The following IPCEF1 variants were observed in gnomAD, a reference collection of about 807,000 sequenced individuals.
IPCEF1 encodes the protein interaction protein for cytohesin exchange factors 1, also known as interactor protein for cytohesin exchange factors 1.
In IPCEF1, 31 loss-of-function variants were observed where a neutral mutation model predicts 50.9. The ratio of observed to expected loss-of-function variants is 0.61; its 90% CI spans 0.46 to 0.82. The LOEUF (loss-of-function observed/expected upper bound fraction) is 0.82. Among genes scored for constraint, IPCEF1 ranks in the 40% least tolerant of loss-of-function variants. The pLI, the probability that IPCEF1 is intolerant of heterozygous loss-of-function variation, is 0.00. For synonymous variants in IPCEF1, 181 were observed against 192.0 expected, an observed-to-expected ratio of 0.94 and a Z score of 0.47; for missense variants, 458 against 514.0, an observed-to-expected ratio of 0.89 and a Z score of 1.05.
intron 6 of IPCEF1, among the ~76,000 whole-genome samples, chr6:154,221,646 G>C (rs1305248485): frequency 1.3e-5 from 2 of 151,220 alleles, no homozygotes; most frequent in Non-Finnish European, 1.5e-5. Flanking sequence ...GGCCGAGGCG[G>C]GCAGATCACG....
chr6:154,160,752 A>T (rs1191918049), intron 11 of IPCEF1, among the ~76,000 whole-genome samples: 1 of 152,218 alleles, frequency 6.6e-6, no homozygotes, highest in Non-Finnish European at 1.5e-5. Flanking sequence ...TATTAAAAAC[A>T]AATATTCAGC....
At chr6:154,193,354 C>T (rs1191341398) in intron 10 of IPCEF1, among the ~76,000 whole-genome samples, 1 of 152,070 alleles carries the variant, frequency 6.6e-6, no homozygotes, top group Non-Finnish European at 1.5e-5. Flanking sequence ...ACTTTGGGGA[C>T]TCGGGGGAAA....
At chr6:154,306,688 C>T (rs73789436) in intron 1 of IPCEF1, 10,756 of 152,464 alleles carry the variant, frequency 0.071, 556 homozygotes, top group African/African-American at 0.14. Context: ...TACTGTGCAG[C>T]GCCTACCAGC....
At chr6:154,277,869 T>C (rs1782103409) in intron 2 of IPCEF1, among the ~76,000 whole-genome samples, 5 of 152,138 alleles carry the variant, frequency 3.3e-5, no homozygotes, top group Admixed American at 3.3e-4. Context: ...ACTTTTTTTT[T>C]CCAGCCAGCT....
intron 1 of IPCEF1, among the ~76,000 whole-genome samples, chr6:154,351,286 G>T (rs1244038121): frequency 6.6e-6 from 1 of 152,212 alleles, no homozygotes; most frequent in Non-Finnish European, 1.5e-5. Context: ...GATCTTTGTG[G>T]TGACGGAACA....
intron 7 of IPCEF1, among the ~76,000 whole-genome samples, chr6:154,218,614 A>ATG (rs1219285541): frequency 2.6e-5 from 4 of 152,206 alleles, no homozygotes; most frequent in Non-Finnish European, 5.9e-5. Flanking sequence ...GAAGTTCTTC[A>ATG]TGTGTTATTG....
At chr6:154,225,176 A>G (rs757083438) in intron 5 of IPCEF1, among the ~76,000 whole-genome samples, 1 of 151,596 alleles carries the variant, frequency 6.6e-6, no homozygotes, top group Non-Finnish European at 1.5e-5. Context: ...CCCAATGAAT[A>G]CTCCCTTTGA....
At chr6:154,331,405 A>AAGGAAGAAAGAAAGAAAGAG (rs1783663587) in intron 1 of IPCEF1, among the ~76,000 whole-genome samples, 1 of 92,948 alleles carries the variant, frequency 1.1e-5, no homozygotes, top group Non-Finnish European at 2.2e-5. Flanking sequence ...GAAAGAAAGA[A>AAGGAAGAAAGAAAGAAAGAG]AGAGAGAGAA....
In IPCEF1 at chr6:154,342,872, G is replaced by A. The variant is rs140112050; in HGVS notation, c.-62+13800C>T. On this transcript the variant is annotated intron_variant, in intron 1 of 11. Transcript: ENST00000367220. ...TTATGCCTGTAATCCCAGCACTTTGGGAGGCTGAGGCCAGTGGATCACCTG... is the reference window on the plus strand; with the variant it reads ...TTATGCCTGTAATCCCAGCACTTTGAGAGGCTGAGGCCAGTGGATCACCTG... Among the ~76,000 whole-genome samples the A allele has an allele frequency of 1.7e-3, 252 of 152,318 alleles. 1 individual carries two copies. The highest frequency in any genetic ancestry group is 5.7e-3 in the African/African-American group (239 of 41,582).
At chr6:154,197,754 T>C (rs889604465) in intron 10 of IPCEF1, among the ~76,000 whole-genome samples, 7 of 152,150 alleles carry the variant, frequency 4.6e-5, no homozygotes, top group Non-Finnish European at 1.0e-4. Context: ...ACCTCCAGGG[T>C]TATCTCTTGG....
intron 1 of IPCEF1, among the ~76,000 whole-genome samples, chr6:154,322,668 C>G (rs1157727183): frequency 2.0e-5 from 3 of 151,962 alleles, no homozygotes; most frequent in Non-Finnish European, 4.4e-5. Flanking sequence ...GAAACTCCCT[C>G]TCTACTAAAA....
At chr6:154,324,827 A>G (rs1327130678) in intron 1 of IPCEF1, among the ~76,000 whole-genome samples, 3 of 152,144 alleles carry the variant, frequency 2.0e-5, no homozygotes, top group Non-Finnish European at 4.4e-5. Context: ...AAAAAAATAC[A>G]CAAAACCCGA....
intron 11 of IPCEF1, among the ~76,000 whole-genome samples, chr6:154,164,551 G>T (rs1033406926): frequency 2.6e-5 from 4 of 152,184 alleles, no homozygotes; most frequent in Non-Finnish European, 4.4e-5. Flanking sequence ...CACAACATCC[G>T]CTCTGCTTTC....
chr6:154,343,115 A>AAG (rs368546174), intron 1 of IPCEF1, among the ~76,000 whole-genome samples: 65 of 152,062 alleles, frequency 4.3e-4, no homozygotes, highest in African/African-American at 1.3e-3. Flanking sequence ...GACGCTATAA[A>AAG]AGAGAGAGAG....
intron 2 of IPCEF1, among the ~76,000 whole-genome samples, chr6:154,277,358 G>A (rs1782088932): frequency 6.6e-6 from 1 of 152,174 alleles, no homozygotes. Flanking sequence ...ATCCCAAATT[G>A]AGATATTTGT....
rs1415356506 is a variant in IPCEF1, at chr6:154,157,991, C to G, written c.*1837G>C. 2.0e-5 allele frequency: 3 copies of G among 152,252 alleles called. No homozygotes were observed. Among genetic ancestry groups the G allele is most frequent in the Non-Finnish European group, 4.4e-5 (3 of 68,044 alleles). 9.4% of individuals were successfully genotyped at this position (152,252 alleles called of 1,614,324 possible). A position where few individuals can be genotyped will look rare whatever the true frequency, so the allele number is the denominator to read the frequency against. Reference sequence around the variant, plus strand: ...GAGAAGTACCCACATGTTTGCTGGGCCAAACTGACTGGCCTGGCCTCTTAT... The same window carrying G: ...GAGAAGTACCCACATGTTTGCTGGGGCAAACTGACTGGCCTGGCCTCTTAT... On this transcript the variant is annotated 3_prime_UTR_variant, in exon 12 of 12. Coordinates refer to ENST00000367220, the MANE Select transcript of IPCEF1 (RefSeq NM_001130700.2).
At chr6:154,303,385 C>T (rs534833354) in intron 1 of IPCEF1, among the ~76,000 whole-genome samples, 5 of 152,210 alleles carry the variant, frequency 3.3e-5, no homozygotes, top group South Asian at 2.1e-4. Flanking sequence ...CCACTGCACC[C>T]GGCCTATGAT....
chr6:154,166,819 TAATC>T (rs1217911623), intron 11 of IPCEF1, among the ~76,000 whole-genome samples: 5 of 152,210 alleles, frequency 3.3e-5, no homozygotes, highest in African/African-American at 1.2e-4. Flanking sequence ...TTACATTGAA[TAATC>T]AAATATATTC....
rs71544368 is a variant in IPCEF1, at chr6:154,273,700, CT to C, written c.-17-7737del. On this transcript the variant is annotated intron_variant, in intron 2 of 11. Transcript: ENST00000367220. Reference sequence around the variant, plus strand: ...CATCCAAATTATTTTAAGCTTTTTTCTTTTTTTCTTTCTTTCTTTCTTTCTT... The same window carrying C: ...CATCCAAATTATTTTAAGCTTTTTTCTTTTTTCTTTCTTTCTTTCTTTCTT... Among the ~76,000 whole-genome samples, 130 of 29,318 alleles carry C rather than the reference CT, an allele frequency of 4.4e-3. 7 individuals are homozygous for C. Among genetic ancestry groups the C allele is most frequent in the Admixed American group, 0.016 (26 of 1,616 alleles). The allele number at this position is 29,318 out of a possible 152,430, so 19.2% of individuals were successfully genotyped here. A position where few individuals can be genotyped will look rare whatever the true frequency, so the allele number is the denominator to read the frequency against.
Sources: gnomAD v4.1 joint callset for allele counts (sites outside exome capture counted in the v4.1 genomes callset) on GRCh38, gnomAD v4.1.1 for gene constraint, MANE v1.5 for transcripts, NCBI Gene and HGNC (gene_info 2026-07-23, HGNC 2026-07-21) for gene names.